The following DTNA variants were observed in gnomAD, a reference collection of about 807,000 sequenced individuals.
The protein encoded by DTNA is dystrophin-related protein 3.
Under a neutral mutation model 100.7 loss-of-function variants are expected in DTNA, and 43 were observed. The ratio of observed to expected loss-of-function variants is 0.43; its 90% CI spans 0.33 to 0.55. The LOEUF (loss-of-function observed/expected upper bound fraction) is 0.55. Among genes scored for constraint, DTNA ranks in the 20% least tolerant of loss-of-function variants. DTNA has a pLI of 0.04. For missense variants in DTNA, 798 were observed against 953.9 expected (o/e 0.84, Z 2.15); for synonymous variants, 349 against 347.9 (o/e 1.00, Z -0.04).
In DTNA at chr18:34,734,288, G is replaced by A. The variant is rs555448416; in HGVS notation, c.-1-21688G>A. ...GACAAAGGTCGAAAGGCTGATGGCA[G>A]TATGGGTCAGGGAGGGGATGTTGAC... On this transcript the variant is annotated intron_variant, in intron 1 of 22. Coordinates refer to ENST00000444659, the MANE Select transcript of DTNA (RefSeq NM_001386795.1). Among the ~76,000 whole-genome samples the A allele has an allele frequency of 8.5e-5, 13 of 152,308 alleles. 1 individual carries two copies. The South Asian group carries it at 1.2e-3, about 15-fold the overall frequency.
intron 1 of DTNA, among the ~76,000 whole-genome samples, chr18:34,666,660 A>G (rs2075973609): frequency 6.6e-6 from 1 of 152,172 alleles, no homozygotes. Flanking sequence ...TTTTCCTAGC[A>G]CCATTTGTTA....
chr18:34,688,064 T>C (rs1283915880), intron 1 of DTNA, among the ~76,000 whole-genome samples: 2 of 152,164 alleles, frequency 1.3e-5, no homozygotes, highest in African/African-American at 4.8e-5. Flanking sequence ...CTCCTGAATA[T>C]AGCACACTGA....
At chr18:34,739,850 A>G (rs2090303169) in intron 1 of DTNA, among the ~76,000 whole-genome samples, 1 of 152,108 alleles carries the variant, frequency 6.6e-6, no homozygotes, top group African/African-American at 2.4e-5. Flanking sequence ...ACAGATACCT[A>G]TTACTAGAGG....
chr18:34,533,312 A>G (rs1404856160), intron 1 of DTNA, among the ~76,000 whole-genome samples: 3 of 151,474 alleles, frequency 2.0e-5, no homozygotes, highest in Non-Finnish European at 4.4e-5. Context: ...GCGAGGTTAC[A>G]GTGAGCCAAG....
At chr18:34,494,577 C>G (rs4799769) in intron 1 of DTNA, among the ~76,000 whole-genome samples, 33,342 of 151,806 alleles carry the variant, frequency 0.22, 3,888 homozygotes, top group Non-Finnish European at 0.26. Flanking sequence ...GGTACCACTC[C>G]TGGGACTTGA....
At chr18:34,502,349 T>C (rs965401282) in intron 1 of DTNA, among the ~76,000 whole-genome samples, 3 of 152,300 alleles carry the variant, frequency 2.0e-5, no homozygotes, top group Middle Eastern at 3.4e-3. Context: ...TTTTTCTGTT[T>C]TCCATTTCAT....
chr18:34,825,778 C>A (rs775246791), intron 9 of DTNA, among the ~76,000 whole-genome samples: 7 of 152,096 alleles, frequency 4.6e-5, no homozygotes, highest in Non-Finnish European at 7.4e-5. Context: ...CACTTGTTTT[C>A]TCATTTTTAG....
intron 1 of DTNA, among the ~76,000 whole-genome samples, chr18:34,699,104 TC>T (rs1422393616): frequency 1.3e-5 from 2 of 151,772 alleles, no homozygotes; most frequent in African/African-American, 4.8e-5. Context: ...TGAGGGACAC[TC>T]CTTGTATTAG....
chr18:34,834,266 C>T (rs546408634), intron 11 of DTNA, among the ~76,000 whole-genome samples: 2 of 151,678 alleles, frequency 1.3e-5, no homozygotes, highest in Non-Finnish European at 2.9e-5. Context: ...GAGGCGACGG[C>T]AGGTAGATCG....
rs2095890509 is a variant in DTNA at position 34,827,646 on chromosome 18, C to T, written c.1055C>T (p.Pro352Leu). The T allele has an allele frequency of 6.2e-7, 1 of 1,613,940 alleles. No individual in the cohort carries two copies. The highest frequency in any genetic ancestry group is 8.5e-7 in the Non-Finnish European group (1 of 1,179,850). The change falls in exon 10 of 23, where the codon CCC becomes CTC. Residue 352 changes from proline to leucine, a missense_variant. By Grantham distance (98) the Pro-to-Leu change is moderately conservative (BLOSUM62 -3). This residue lies in a region of DTNA where 93 missense variants were observed against 90.5 expected (regional missense o/e 1.03). Coordinates refer to ENST00000444659, the MANE Select transcript of DTNA (RefSeq NM_001386795.1). ...GACACCCTGTTCTCCCACTCTGTTC[C>T]CTCCTCAGGAAGTCCTTTTATTACC... ...MNDTLFSHSV[P>L]SSGSPFITRR...
At chr18:34,574,017 A>C (rs2579798) in intron 1 of DTNA, 2 of 155,882 alleles carry the variant, frequency 1.3e-5, no homozygotes, top group African/African-American at 4.8e-5. Context: ...GGTGCTCTTC[A>C]TGTTTAAAGT....
At chr18:34,665,656 G>A (rs972962667) in intron 1 of DTNA, among the ~76,000 whole-genome samples, 1 of 152,090 alleles carries the variant, frequency 6.6e-6, no homozygotes, top group African/African-American at 2.4e-5. Context: ...TCCCACCTAT[G>A]AGTGAGAACA....
At chr18:34,525,980 C>G (rs893355746) in intron 1 of DTNA, among the ~76,000 whole-genome samples, 32 of 152,084 alleles carry the variant, frequency 2.1e-4, no homozygotes, top group Admixed American at 1.9e-3. Flanking sequence ...TACTTAGTGT[C>G]CTAGAATTGT....
At chr18:34,821,191 G>A (rs2095707832) in intron 9 of DTNA, 1 of 569,476 alleles carries the variant, frequency 1.8e-6, no homozygotes, top group South Asian at 1.5e-5. Context: ...GATGTTAGTG[G>A]TGTCTGCACA....
At chr18:34,785,364 A>G (rs1208387941) in intron 3 of DTNA, among the ~76,000 whole-genome samples, 1 of 152,232 alleles carries the variant, frequency 6.6e-6, no homozygotes, top group African/African-American at 2.4e-5. Flanking sequence ...TTTATACCAG[A>G]CAGAGTGAGG....
intron 10 of DTNA, 61 bp downstream of exon 10, chr18:34,827,737 G>T: frequency 6.5e-7 from 1 of 1,529,742 alleles, no homozygotes; most frequent in Non-Finnish European, 9.1e-7. Context: ...TGATTCTGTG[G>T]TAAGAAAAAT....
At chr18:34,712,414 G>A (rs1308627891) in intron 1 of DTNA, among the ~76,000 whole-genome samples, 1 of 152,050 alleles carries the variant, frequency 6.6e-6, no homozygotes, top group Non-Finnish European at 1.5e-5. Context: ...AATCTACAGT[G>A]AGGTTGTCTC....
At chr18:34,571,987 C>A (rs1397422239) in intron 1 of DTNA, among the ~76,000 whole-genome samples, 1 of 152,154 alleles carries the variant, frequency 6.6e-6, no homozygotes, top group Non-Finnish European at 1.5e-5. Flanking sequence ...GGGTCACCAA[C>A]CTCATGTGAA....
intron 1 of DTNA, among the ~76,000 whole-genome samples, chr18:34,637,345 G>C (rs1186422161): frequency 6.6e-6 from 1 of 152,186 alleles, no homozygotes; most frequent in African/African-American, 2.4e-5. Context: ...TCCTTCAGAA[G>C]TGTAAAGCCA....
Sources: allele counts gnomAD v4.1 joint callset (sites outside exome capture counted in the v4.1 genomes callset), GRCh38; gene constraint gnomAD v4.1.1; regional missense constraint gnomAD v4.1.1; transcripts MANE v1.5; gene names NCBI Gene and HGNC (gene_info 2026-07-23, HGNC 2026-07-21).